AEN: variants seen among roughly 807,000 people sequenced by gnomAD.
AEN encodes apoptosis enhancing nuclease.
In AEN, 21 loss-of-function variants were observed where a neutral mutation model predicts 17.7. The ratio of observed to expected loss-of-function variants is 1.19; its 90% CI spans 0.84 to 1.71. The LOEUF (loss-of-function observed/expected upper bound fraction) is 1.71, where lower values mean the gene tolerates loss of function less well. AEN is among the 40% of genes most tolerant of loss of function. The pLI is 0.00. For missense variants in AEN, 462 were observed against 435.9 expected (o/e 1.06, Z -0.53); for synonymous variants, 190 against 173.0 (o/e 1.10, Z -0.77).
rs1216175466 is a variant in AEN at position 88,630,240 on chromosome 15, C to T, written c.924C>T (p.Asp308=). The T allele has an allele frequency of 3.7e-6, 6 of 1,601,538 alleles. No homozygotes were observed. In the South Asian group the frequency reaches 6.7e-5, roughly 18 times the overall value. ...QYMEDQYWPD[D]LAHGSRGGAR... ...TGGAGGACCAGTACTGGCCCGATGA[C>T]CTGGCCCACGGCAGCAGAGGAGGAG... is the stretch of plus-strand genomic sequence containing the variant. The change falls in exon 4 of 4, where the codon GAC becomes GAT. Residue 308 remains aspartate (D), a synonymous_variant. Transcript: ENST00000332810. This position sits in a 1 kb window ranked among gnomAD's most constrained non-coding sequence, Gnocchi z 5.1.
At chr15:88,629,604 C>G (rs1247015873) in intron 3 of AEN, among the ~76,000 whole-genome samples, 178 bp downstream of exon 3, 9 of 152,198 alleles carry the variant, frequency 5.9e-5, no homozygotes, top group Admixed American at 5.9e-4. Context: ...CCAGGTGTTT[C>G]TCTCCATGAT....
At chr15:88,605,724 T>C in the AEN span, among the ~76,000 whole-genome samples, 4 of 152,178 alleles carry the variant, frequency 2.6e-5, no homozygotes, top group Non-Finnish European at 5.9e-5. This position sits in a 1 kb window ranked among gnomAD's most constrained non-coding sequence, Gnocchi z 7.6. Context: ...CGCCTCTCCT[T>C]CGAGTCGCTA....
At chr15:88,612,570 C>T in the AEN span, among the ~76,000 whole-genome samples, 1 of 129,664 alleles carries the variant, frequency 7.7e-6, no homozygotes, top group African/African-American at 2.8e-5. Flanking sequence ...ATTTCCCAGC[C>T]TTTTATTTAT....
At chr15:88,619,917 C>T (rs139630512), upstream of AEN, among the ~76,000 whole-genome samples, 46 of 152,236 alleles carry the variant, frequency 3.0e-4, no homozygotes, top group East Asian at 8.5e-3. Context: ...CACAAACACT[C>T]CCCCACTCCT....
chr15:88,606,891 T>C, the AEN span, among the ~76,000 whole-genome samples: 3 of 152,206 alleles, frequency 2.0e-5, no homozygotes, highest in African/African-American at 7.2e-5. Context: ...TGGGCTTTTA[T>C]ATTTTTCATT....
chr15:88,610,582 T>C, the AEN span, among the ~76,000 whole-genome samples: 1 of 152,084 alleles, frequency 6.6e-6, no homozygotes, highest in Non-Finnish European at 1.5e-5. Flanking sequence ...GGGCTGGGAC[T>C]CAGAGCTAGG....
At chr15:88,614,853 C>G in the AEN span, among the ~76,000 whole-genome samples, 1 of 151,792 alleles carries the variant, frequency 6.6e-6, no homozygotes, top group Middle Eastern at 3.4e-3. Flanking sequence ...GTGACCCAAG[C>G]GTCTGTGGTG....
chr15:88,622,005 T>C (rs907233439), intron 1 of AEN, among the ~76,000 whole-genome samples: 1 of 152,122 alleles, frequency 6.6e-6, no homozygotes, highest in African/African-American at 2.4e-5. Flanking sequence ...CAGCCCTCGG[T>C]TGATGGTGAA....
chr15:88,609,428 C>T, the AEN span, among the ~76,000 whole-genome samples: 2 of 152,166 alleles, frequency 1.3e-5, no homozygotes, highest in Non-Finnish European at 2.9e-5. Flanking sequence ...TAGCCCTCTT[C>T]ACAAAAGATA....
At chr15:88,608,096 G>T in the AEN span, 1 of 524,532 alleles carries the variant, frequency 1.9e-6, no homozygotes, top group Non-Finnish European at 4.0e-6. Context: ...GAAGATAACT[G>T]AGCTCTTATT....
At chr15:88,625,582 C>T (rs1391524333) in intron 1 of AEN, among the ~76,000 whole-genome samples, 3 of 152,220 alleles carry the variant, frequency 2.0e-5, no homozygotes, top group Non-Finnish European at 4.4e-5. Context: ...TCAGTTACTG[C>T]GGGCTTCCTA....
intron 2 of AEN, chr15:88,628,832 TG>T (rs1187748525): frequency 5.0e-6 from 1 of 198,598 alleles, no homozygotes; most frequent in African/African-American, 2.3e-5. Flanking sequence ...TACAGTGCGG[TG>T]GGGGAGAGTT....
the AEN span, chr15:88,611,843 G>A: frequency 4.1e-5 from 21 of 516,992 alleles, no homozygotes; most frequent in Non-Finnish European, 4.3e-5. Flanking sequence ...AGAGTGGACC[G>A]GCTGGCCCCA....
chr15:88,614,571 G>A, the AEN span, among the ~76,000 whole-genome samples: 1 of 152,118 alleles, frequency 6.6e-6, no homozygotes, highest in Non-Finnish European at 1.5e-5. Context: ...AAGGGTCACG[G>A]CATCTGGCCC....
In AEN at chr15:88,630,897, T is replaced by TTG. The variant is rs2057919747; in HGVS notation, c.*605_*606dup. ...TGACCTGGAACTCTGGCTACAGCCA[T>TTG]TGTAGGAACTCCGTGCCTGGCCTGT... On this transcript the variant is annotated 3_prime_UTR_variant, in exon 4 of 4. Coordinates refer to ENST00000332810, the MANE Select transcript of AEN (RefSeq NM_022767.4). The surrounding 1 kb of genome is among the most constrained non-coding windows in gnomAD (Gnocchi z 5.1). 3.3e-6 allele frequency: 1 copy of TTG among 301,550 alleles called. No homozygotes were observed. The highest frequency in any genetic ancestry group is 7.9e-5 in the East Asian group (1 of 12,596). 18.7% of individuals were successfully genotyped at this position (301,550 alleles called of 1,614,324 possible). A position where few individuals can be genotyped will look rare whatever the true frequency, so the allele number is the denominator to read the frequency against.
intron 3 of AEN, 141 bp from the exon 4 acceptor site, chr15:88,629,917 A>G (rs1236677089): frequency 6.6e-6 from 5 of 758,386 alleles, no homozygotes; most frequent in Non-Finnish European, 1.1e-5. Flanking sequence ...TTGAGGTTCC[A>G]TCCCTTTTCT....
chr15:88,613,423 T>C, the AEN span, among the ~76,000 whole-genome samples: 1 of 152,210 alleles, frequency 6.6e-6, no homozygotes, highest in African/African-American at 2.4e-5. Flanking sequence ...ACTCAGCAGG[T>C]ATCTGTCCTT....
the AEN span, chr15:88,604,862 A>G: frequency 0.48 from 73,319 of 152,178 alleles, 18,143 homozygotes; most frequent in East Asian, 0.73. The surrounding 1 kb of genome is among the most constrained non-coding windows in gnomAD (Gnocchi z 8.1). Flanking sequence ...GAAGCAAAGT[A>G]CCGGCAGCTG....
the AEN span, chr15:88,608,052 T>G: frequency 1.2e-5 from 6 of 492,022 alleles, no homozygotes; most frequent in African/African-American, 2.0e-5. Context: ...CACTTTCTGC[T>G]TATTTTCTTT....
Sources: allele counts gnomAD v4.1 joint callset (sites outside exome capture counted in the v4.1 genomes callset), GRCh38; gene constraint gnomAD v4.1.1; non-coding constraint Gnocchi (gnomAD v3.1); transcripts MANE v1.5; gene names NCBI Gene and HGNC (gene_info 2026-07-23, HGNC 2026-07-21).